Variants in PBX1 observed in about 807,000 individuals in gnomAD.
PBX1 encodes PBX homeobox 1, also known as pre-B-cell leukemia transcription factor 1.
In PBX1, 6 loss-of-function variants were observed where a neutral mutation model predicts 53.4. The ratio of observed to expected loss-of-function variants is 0.11; its 90% confidence interval spans 0.06 to 0.22. The LOEUF (loss-of-function observed/expected upper bound fraction) is 0.22, where lower values mean the gene tolerates loss of function less well. Among genes scored for constraint, PBX1 ranks in the 10% least tolerant of loss-of-function variants. The pLI is 1.00. For synonymous variants in PBX1, 204 were observed against 212.3 expected (o/e 0.96, Z 0.34); for missense variants, 251 against 551.4 (o/e 0.46, Z 5.46).
intron 2 of PBX1, among the ~76,000 whole-genome samples, chr1:164,719,687 A>T (rs1664297137): frequency 6.6e-6 from 1 of 152,124 alleles, no homozygotes; most frequent in South Asian, 2.1e-4. Flanking sequence ...TTTTTGTCTT[A>T]TCCAATGAAT....
intron 2 of PBX1, among the ~76,000 whole-genome samples, chr1:164,654,167 G>A (rs1273730843): frequency 3.3e-5 from 5 of 152,060 alleles, no homozygotes; most frequent in Admixed American, 1.3e-4. Flanking sequence ...TTGTAGATGG[G>A]GACAATATGA....
At position 164,830,333 on chromosome 1, in the gene PBX1, A is replaced by AC. The variant is rs532960359; in HGVS notation, c.1200+8708dup. Among the ~76,000 whole-genome samples the AC allele has an allele frequency of 1.8e-3, 272 of 152,322 alleles. 2 individuals are homozygous for AC. The highest frequency in any genetic ancestry group is 6.4e-3 in the African/African-American group (266 of 41,572). On this transcript the variant is annotated intron_variant, in intron 8 of 8. Coordinates refer to ENST00000420696, the MANE Select transcript of PBX1 (RefSeq NM_002585.4). ...AAAATGAAGCCACCAAAGTGGGGTG[A>AC]CGGTGTTAGAGGTGTCACCATGCTG...
chr1:164,609,862 G>T (rs955756285), intron 2 of PBX1, among the ~76,000 whole-genome samples: 1 of 152,082 alleles, frequency 6.6e-6, no homozygotes, highest in Non-Finnish European at 1.5e-5. Flanking sequence ...TTAATGTTGG[G>T]GGGGATATGG....
Position 164,732,086 on chromosome 1 carries a change from G to C in PBX1, c.266-60408G>C, listed in dbSNP as rs559541335. Among the ~76,000 whole-genome samples the C allele has an allele frequency of 4.6e-5, 7 of 152,300 alleles. No homozygotes were observed. In the South Asian group the frequency reaches 1.0e-3, roughly 23 times the overall value. On this transcript the variant is annotated intron_variant, in intron 2 of 8. Transcript: ENST00000420696. ...ACGAAGCACCAGCCTTTCCCAGCAA[G>C]TGTGGAAGCCAGTCTTTTATTCTTT...
intron 7 of PBX1, 29 bp from the exon 8 acceptor site, chr1:164,821,508 T>C: frequency 3.2e-6 from 5 of 1,576,508 alleles, no homozygotes; most frequent in Non-Finnish European, 4.4e-6. Context: ...TCTGACTAAT[T>C]TTCTCTCTGT....
chr1:164,712,968 A>C (rs1040464889), intron 2 of PBX1, among the ~76,000 whole-genome samples: 1 of 152,192 alleles, frequency 6.6e-6, no homozygotes, highest in African/African-American at 2.4e-5. Context: ...TGCCCTGCCC[A>C]ACTCATCATC....
chr1:164,570,269 T>C (rs1403307490), intron 2 of PBX1, among the ~76,000 whole-genome samples: 3 of 152,164 alleles, frequency 2.0e-5, no homozygotes, highest in Non-Finnish European at 4.4e-5. Context: ...GCAGGTTTGT[T>C]ACATAGGTAT....
At chr1:164,602,409 C>T (rs1441910968) in intron 2 of PBX1, among the ~76,000 whole-genome samples, 2 of 152,180 alleles carry the variant, frequency 1.3e-5, no homozygotes, top group African/African-American at 4.8e-5. Context: ...AAGAAAACTG[C>T]TCCACAAGGA....
intron 2 of PBX1, among the ~76,000 whole-genome samples, chr1:164,728,735 A>G (rs531779779): frequency 1.1e-4 from 16 of 152,318 alleles, no homozygotes; most frequent in African/African-American, 3.6e-4. Context: ...TTTTTTATTC[A>G]GGGCCTCTGG....
At chr1:164,759,102 T>A (rs1208236597) in intron 2 of PBX1, among the ~76,000 whole-genome samples, 1 of 152,210 alleles carries the variant, frequency 6.6e-6, no homozygotes, top group East Asian at 1.9e-4. Context: ...ATACAAAAAT[T>A]CACTGTACAG....
intron 2 of PBX1, chr1:164,684,879 A>G (rs181222905): frequency 1.3e-5 from 2 of 152,320 alleles, no homozygotes; most frequent in East Asian, 3.9e-4. Flanking sequence ...CATAATACTG[A>G]AAGTAAATAA....
At chr1:164,659,398 G>C (rs1451375597) in intron 2 of PBX1, among the ~76,000 whole-genome samples, 1 of 152,322 alleles carries the variant, frequency 6.6e-6, no homozygotes, top group East Asian at 1.9e-4. Context: ...CATTGGGAAT[G>C]TAACTCTCCT....
intron 2 of PBX1, among the ~76,000 whole-genome samples, chr1:164,662,993 C>T (rs967207767): frequency 2.6e-5 from 4 of 152,114 alleles, no homozygotes; most frequent in Non-Finnish European, 4.4e-5. Flanking sequence ...TTGATGATAT[C>T]ATAGAAATAC....
chr1:164,870,266 C>CTTCCTTCCTTCT (rs71097553), intron 2 of PBX1, among the ~76,000 whole-genome samples: 3 of 45,196 alleles, frequency 6.6e-5, no homozygotes, highest in African/African-American at 1.4e-4. Context: ...TCCTTCCTTC[C>CTTCCTTCCTTCT]TTCTTTCTTT....
chr1:164,782,773 G>C (rs1272886228), intron 2 of PBX1, among the ~76,000 whole-genome samples: 1 of 152,132 alleles, frequency 6.6e-6, no homozygotes, highest in East Asian at 1.9e-4. Flanking sequence ...TAGTGACAAC[G>C]GCAGCGGGGT....
At chr1:164,789,086 T>G (rs1265320159) in intron 2 of PBX1, among the ~76,000 whole-genome samples, 2 of 152,238 alleles carry the variant, frequency 1.3e-5, no homozygotes, top group African/African-American at 4.8e-5. Flanking sequence ...AGAGGCAGTA[T>G]GCTTTATGCT....
At chr1:164,773,243 G>GCGCACACA in intron 2 of PBX1, among the ~76,000 whole-genome samples, 1 of 147,784 alleles carries the variant, frequency 6.8e-6, no homozygotes, top group South Asian at 2.2e-4. Flanking sequence ...GGTAACACGC[G>GCGCACACA]CACACACACA....
At chr1:164,617,281 C>T (rs187114499) in intron 2 of PBX1, among the ~76,000 whole-genome samples, 1 of 152,294 alleles carries the variant, frequency 6.6e-6, no homozygotes, top group African/African-American at 2.4e-5. Context: ...TAACCTTTCA[C>T]CTTGGCCAGC....
intron 2 of PBX1, chr1:164,674,652 T>G (rs1206059558): frequency 6.6e-6 from 1 of 152,138 alleles, no homozygotes; most frequent in African/African-American, 2.4e-5. Flanking sequence ...TAGGCAGAAA[T>G]TTTTACAAAA....
Sources: gnomAD v4.1 joint callset for allele counts (sites outside exome capture counted in the v4.1 genomes callset) on GRCh38, gnomAD v4.1.1 for gene constraint, MANE v1.5 for transcripts, NCBI Gene and HGNC (gene_info 2026-07-23, HGNC 2026-07-21) for gene names.